Variants in ASIC2 observed in about 807,000 individuals in gnomAD.
ASIC2 encodes acid sensing ion channel subunit 2.
In ASIC2, 25 loss-of-function variants were observed where a neutral mutation model predicts 57.3. The ratio of observed to expected loss-of-function variants is 0.44; its 90% CI spans 0.32 to 0.61. The LOEUF is 0.61. Among genes scored for constraint, ASIC2 ranks in the 20% least tolerant of loss-of-function variants. The pLI, the probability that ASIC2 is intolerant of heterozygous loss-of-function variation, is 0.06. For synonymous variants in ASIC2, 319 were observed against 307.5 expected, an observed-to-expected ratio of 1.04 and a Z score of -0.39; for missense variants, 641 against 738.1, an observed-to-expected ratio of 0.87 and a Z score of 1.52.
At chr17:33,447,193 T>C (rs1050352953) in intron 1 of ASIC2, among the ~76,000 whole-genome samples, 1 of 152,148 alleles carries the variant, frequency 6.6e-6, no homozygotes, top group African/African-American at 2.4e-5. Flanking sequence ...TTACATGTAG[T>C]TGTCTGCAAT....
At chr17:33,325,891 G>T (rs1292816929) in intron 1 of ASIC2, among the ~76,000 whole-genome samples, 1 of 152,158 alleles carries the variant, frequency 6.6e-6, no homozygotes, top group East Asian at 1.9e-4. Context: ...GGCCAGTGCA[G>T]TTGGGGGGCT....
At chr17:34,127,866 A>G (rs991032173) in intron 1 of ASIC2, among the ~76,000 whole-genome samples, 1 of 152,188 alleles carries the variant, frequency 6.6e-6, no homozygotes, top group African/African-American at 2.4e-5. Flanking sequence ...CTCAGAGCCA[A>G]CCTGGCTTTC....
At chr17:33,394,031 A>G (rs1050979172) in intron 1 of ASIC2, among the ~76,000 whole-genome samples, 5 of 152,248 alleles carry the variant, frequency 3.3e-5, no homozygotes, top group African/African-American at 7.2e-5. Context: ...GATTAATGTG[A>G]CAATAAGTGA....
chr17:33,269,680 C>CCTTCTT (rs1904389348), intron 1 of ASIC2, among the ~76,000 whole-genome samples: 1 of 18,962 alleles, frequency 5.3e-5, no homozygotes, highest in Non-Finnish European at 1.2e-4. Flanking sequence ...CCTTCCCTCC[C>CCTTCTT]TCCCTCCTGC....
chr17:33,804,001 GGAAA>G (rs1037495814), intron 1 of ASIC2, among the ~76,000 whole-genome samples: 20 of 152,202 alleles, frequency 1.3e-4, no homozygotes, highest in African/African-American at 4.3e-4. Context: ...ATTTTTGTTA[GGAAA>G]GATCTAAAAA....
chr17:33,140,259 C>A (rs750307828), intron 1 of ASIC2, among the ~76,000 whole-genome samples: 41 of 152,350 alleles, frequency 2.7e-4, no homozygotes, highest in Non-Finnish European at 7.3e-5. Context: ...GGACCCACTG[C>A]ACATGCTCTG....
At chr17:33,392,821 G>A (rs1177718978) in intron 1 of ASIC2, among the ~76,000 whole-genome samples, 3 of 152,242 alleles carry the variant, frequency 2.0e-5, no homozygotes, top group South Asian at 2.1e-4. Context: ...TCCTCTGAAC[G>A]CTATACTTTA....
intron 1 of ASIC2, among the ~76,000 whole-genome samples, chr17:33,870,419 A>G (rs1349521145): frequency 6.6e-6 from 1 of 151,746 alleles, no homozygotes; most frequent in East Asian, 2.0e-4. Context: ...ATTCCTCATC[A>G]CAGCCCACAA....
intron 1 of ASIC2, chr17:33,634,710 C>CT (rs71144892): frequency 0.037 from 2,708 of 73,994 alleles, 50 homozygotes; most frequent in East Asian, 0.14. Context: ...TTCTTTCTTT[C>CT]TTTTTTTTTT....
intron 1 of ASIC2, among the ~76,000 whole-genome samples, chr17:33,988,176 A>G (rs538174239): frequency 6.6e-6 from 1 of 152,348 alleles, no homozygotes; most frequent in East Asian, 1.9e-4. Context: ...ATCGTATAAT[A>G]TAGTATGGTG....
chr17:33,158,028 C>T (rs991827542), intron 1 of ASIC2, among the ~76,000 whole-genome samples: 1 of 152,202 alleles, frequency 6.6e-6, no homozygotes, highest in Non-Finnish European at 1.5e-5. Context: ...CTCCCATCCT[C>T]GTGGTTTTCA....
At chr17:33,620,557 T>C (rs1215459162) in intron 1 of ASIC2, among the ~76,000 whole-genome samples, 1 of 152,234 alleles carries the variant, frequency 6.6e-6, no homozygotes, top group African/African-American at 2.4e-5. Context: ...CTGTGAGAAG[T>C]GAAATCATCC....
At chr17:33,417,302 G>T (rs1014860885) in intron 1 of ASIC2, among the ~76,000 whole-genome samples, 2 of 152,072 alleles carry the variant, frequency 1.3e-5, no homozygotes, top group African/African-American at 4.8e-5. Context: ...GCCAGAACAC[G>T]TCTGTCTATA....
chr17:33,267,239 C>G (rs1042685035), intron 1 of ASIC2, among the ~76,000 whole-genome samples: 1 of 152,118 alleles, frequency 6.6e-6, no homozygotes, highest in African/African-American at 2.4e-5. Flanking sequence ...CCTTACCCCC[C>G]CCAGGAAGCA....
intron 1 of ASIC2, among the ~76,000 whole-genome samples, chr17:33,463,344 C>T (rs940754232): frequency 1.3e-5 from 2 of 152,228 alleles, no homozygotes; most frequent in African/African-American, 4.8e-5. Flanking sequence ...AGCTATATAA[C>T]TGTCTTAATG....
At chr17:33,813,154 G>A (rs1465567158) in intron 1 of ASIC2, among the ~76,000 whole-genome samples, 2 of 152,098 alleles carry the variant, frequency 1.3e-5, no homozygotes, top group Non-Finnish European at 2.9e-5. Flanking sequence ...TCCTTTAAAG[G>A]CCTGTAGAAA....
intron 3 of ASIC2, among the ~76,000 whole-genome samples, chr17:33,058,203 A>T (rs998274317): frequency 2.0e-5 from 3 of 152,150 alleles, no homozygotes; most frequent in Non-Finnish European, 4.4e-5. Context: ...ATTTATCCTG[A>T]TAATAACCCC....
chr17:34,030,323 C>A (rs762005224), intron 1 of ASIC2, among the ~76,000 whole-genome samples: 1 of 152,152 alleles, frequency 6.6e-6, no homozygotes, highest in Non-Finnish European at 1.5e-5. Flanking sequence ...TCCATCCATT[C>A]GAAATTTTTG....
At chr17:33,522,393 G>A (rs573054499) in intron 1 of ASIC2, among the ~76,000 whole-genome samples, 39 of 152,352 alleles carry the variant, frequency 2.6e-4, no homozygotes, top group African/African-American at 8.7e-4. Context: ...ACCGGCTCCT[G>A]CTGTGGGCTG....
Sources: allele counts gnomAD v4.1 joint callset (sites outside exome capture counted in the v4.1 genomes callset), GRCh38; gene constraint gnomAD v4.1.1; transcripts MANE v1.5; gene names NCBI Gene and HGNC (gene_info 2026-07-23, HGNC 2026-07-21).